SELENON: variants seen among roughly 807,000 people sequenced by gnomAD.
SELENON encodes selenoprotein N.
SELENON carries 44 observed loss-of-function variants against 59.5 expected under a neutral mutation model. That is an observed-to-expected ratio of 0.74 (90% CI 0.58 to 0.95). The LOEUF is 0.95. Ranked by LOEUF, SELENON falls within the 40% of genes least tolerant of loss-of-function variation. The pLI, the probability that SELENON is intolerant of heterozygous loss-of-function variation, is 0.00. For missense variants in SELENON, 674 were observed against 721.4 expected (o/e 0.93, Z 0.75); for synonymous variants, 320 against 305.6 (o/e 1.05, Z -0.49).
At chr1:25,811,603 G>A in intron 8 of SELENON, 68 bp downstream of exon 7, 1 of 1,604,212 alleles carries the variant, frequency 6.2e-7, no homozygotes, top group Non-Finnish European at 8.5e-7. Context: ...TCTGCAATGA[G>A]TGGAGCATTT....
Position 25,800,281 on chromosome 1 carries a change from C to A in SELENON, c.51C>A (p.Ala17=). The change falls in exon 1 of 13, where the codon GCC becomes GCA. Residue 17 remains alanine (A), a synonymous_variant. Transcript: ENST00000361547. ...GCGGGCCGCCCAGCCCCGGCCCCGC[C>A]GCGCAGCCTCCCGCGCCACCGCGCC... 1.0e-6 allele frequency: 1 copy of A among 983,264 alleles called. No individual in the cohort carries two copies. The highest frequency in any genetic ancestry group is 1.2e-6 in the Non-Finnish European group (1 of 827,984). 60.9% of individuals were successfully genotyped at this position (983,264 alleles called of 1,614,324 possible).
At chr1:25,801,626 C>T (rs1290851280) in intron 2 of SELENON, among the ~76,000 whole-genome samples, 1 of 152,152 alleles carries the variant, frequency 6.6e-6, no homozygotes, top group African/African-American at 2.4e-5. Flanking sequence ...CACCACTGCA[C>T]TCCAGCCTGG....
intron 9 of SELENON, among the ~76,000 whole-genome samples, 195 bp from the exon 9 acceptor site, chr1:25,812,480 CATATACAAACAT>C (rs2047970937): frequency 6.6e-6 from 1 of 151,336 alleles, no homozygotes; most frequent in African/African-American, 2.4e-5. Context: ...CACATACACA[CATATACAAACAT>C]ACACAAACAT....
chr1:25,813,190 G>A (rs1305994689), intron 10 of SELENON, among the ~76,000 whole-genome samples: 2 of 152,200 alleles, frequency 1.3e-5, no homozygotes, highest in African/African-American at 4.8e-5. Flanking sequence ...GCCAGAGGCT[G>A]GGCTTGTGTT....
rs911788176 is a variant in SELENON, at chr1:25,800,209, G to GCAGCCGCCGC, written c.-14_-5dup. The GCAGCCGCCGC allele has an allele frequency of 2.0e-5, 11 of 557,940 alleles. No individual in the cohort carries two copies. The highest frequency in any genetic ancestry group is 7.4e-5 in the South Asian group (1 of 13,446). The allele number at this position is 557,940 out of a possible 1,614,324, so 34.6% of individuals were successfully genotyped here. ...CGCTCTTTCGCTTCCCGGGCCGCCG[G>GCAGCCGCCGC]CAGCCGCCGCCAGCCGCAGCCATGG... is the stretch of plus-strand genomic sequence containing the variant. On this transcript the variant is annotated 5_prime_UTR_variant, in exon 1 of 13. Coordinates refer to ENST00000361547, the MANE Select transcript of SELENON (RefSeq NM_020451.3).
At chr1:25,813,280 AAACAG>A (rs1483589996) in intron 10 of SELENON, among the ~76,000 whole-genome samples, 1 of 152,166 alleles carries the variant, frequency 6.6e-6, no homozygotes, top group African/African-American at 2.4e-5. Context: ...AAGATGAACA[AAACAG>A]TGCCCCACCC....
intron 10 of SELENON, among the ~76,000 whole-genome samples, chr1:25,813,388 C>G (rs6676413): frequency 0.71 from 107,920 of 152,146 alleles, 40,046 homozygotes; most frequent in East Asian, 0.97. Flanking sequence ...AAGGGGGAGA[C>G]ACAGTGCAAA....
intron 2 of SELENON, chr1:25,801,956 G>A (rs951826932): frequency 6.7e-5 from 15 of 225,066 alleles, no homozygotes; most frequent in Admixed American, 6.2e-4. Flanking sequence ...GCACAGTGAC[G>A]AATATGCAGT....
At position 25,800,968 on chromosome 1, in the gene SELENON, G is replaced by A. The variant is rs1336640383; in HGVS notation, c.184-75G>A. On this transcript the variant is annotated intron_variant, in intron 1 of 12. Coordinates refer to ENST00000361547, the MANE Select transcript of SELENON (RefSeq NM_020451.3). ...GATGGTGGGAGAAGGGGCTCCATGC[G>A]GAAGCAACTGCCTGTTGGGGACCAG... The A allele has an allele frequency of 3.4e-6, 4 of 1,170,098 alleles. No homozygotes were observed. The African/African-American group carries it at 4.5e-5, about 13-fold the overall frequency. The allele number at this position is 1,170,098 out of a possible 1,614,324, so 72.5% of individuals were successfully genotyped here.
At position 25,816,844 on chromosome 1, in the gene SELENON, C is replaced by G. The variant is rs1259012347; in HGVS notation, c.*1126C>G. 1 of 152,672 alleles carries G rather than the reference C, an allele frequency of 6.5e-6. No homozygotes were observed. The highest frequency in any genetic ancestry group is 1.9e-4 in the East Asian group (1 of 5,198). The allele number at this position is 152,672 out of a possible 1,614,324, so 9.5% of individuals were successfully genotyped here. A position where few individuals can be genotyped will look rare whatever the true frequency, so the allele number is the denominator to read the frequency against. ...GCCCCATGATGGCTGAATCCGAAATCCTCGATGGGTCCAGCTTGATGTCTT... is the reference window on the plus strand; with the variant it reads ...GCCCCATGATGGCTGAATCCGAAATGCTCGATGGGTCCAGCTTGATGTCTT... On this transcript the variant is annotated 3_prime_UTR_variant, in exon 13 of 13. Transcript: ENST00000361547.
intron 10 of SELENON, 41 bp downstream of exon 9, chr1:25,812,833 T>A (rs542008419): frequency 2.0e-6 from 3 of 1,476,652 alleles, no homozygotes; most frequent in Non-Finnish European, 2.8e-6. Context: ...AGTGGGAAAG[T>A]CCACACCTTG....
At position 25,811,848 on chromosome 1, in the gene SELENON, G is replaced by A. The variant is rs775811599; in HGVS notation, c.1250G>A (p.Arg417His). 1.2e-5 allele frequency: 19 copies of A among 1,575,242 alleles called. No homozygotes were observed. Among genetic ancestry groups the A allele is most frequent in the South Asian group, 3.5e-5 (3 of 86,136 alleles). Residue 417 changes from arginine (R) to histidine (H), a missense_variant, in exon 9 of 13, where the codon CGC (arginine) becomes CAC (histidine). Transcript: ENST00000361547. Reference sequence around the variant, plus strand: ...CTGAGCTGGGAGGAGGCTGCCCGGCGCCTGGAGGTGGCCATGTACCCCTTC... The same window carrying A: ...CTGAGCTGGGAGGAGGCTGCCCGGCACCTGGAGGTGGCCATGTACCCCTTC...
At chr1:25,803,352 A>G (rs527941000) in intron 3 of SELENON, among the ~76,000 whole-genome samples, 1 of 152,332 alleles carries the variant, frequency 6.6e-6, no homozygotes, top group Admixed American at 6.5e-5. Context: ...GAATGCAAAA[A>G]TGGACCAAGT....
At chr1:25,815,515 C>T (rs753023952) in intron 12 of SELENON, 33 bp from the exon 12 acceptor site, 40 of 1,608,872 alleles carry the variant, frequency 2.5e-5, no homozygotes, top group South Asian at 7.7e-5. Context: ...GGCCCCCCTC[C>T]GCCCCACTTG....
intron 3 of SELENON, among the ~76,000 whole-genome samples, chr1:25,802,919 G>C (rs1172025617): frequency 6.6e-6 from 1 of 152,172 alleles, no homozygotes; most frequent in Non-Finnish European, 1.5e-5. Context: ...AGACATGCTG[G>C]CTGTTTCGGG....
intron 4 of SELENON, among the ~76,000 whole-genome samples, chr1:25,808,129 G>A (rs1370062551): frequency 6.6e-6 from 1 of 152,272 alleles, no homozygotes; most frequent in Non-Finnish European, 1.5e-5. Context: ...AGGAGACTGG[G>A]GAGGGAGAGT....
chr1:25,814,240 C>A, intron 12 of SELENON, 62 bp downstream of exon 11: 1 of 1,267,220 alleles, frequency 7.9e-7, no homozygotes, highest in Non-Finnish European at 1.1e-6. Flanking sequence ...GAGCAACCAG[C>A]AGGAGGCGTG....
At chr1:25,811,939 T>TGGA in intron 9 of SELENON, 60 bp downstream of exon 8, 1 of 1,513,054 alleles carries the variant, frequency 6.6e-7, no homozygotes, top group Non-Finnish European at 9.0e-7. Flanking sequence ...CTGGGAGCTG[T>TGGA]GGAGCAGCAG....
intron 4 of SELENON, among the ~76,000 whole-genome samples, chr1:25,806,914 CG>C (rs1299560963): frequency 6.6e-6 from 1 of 151,488 alleles, no homozygotes; most frequent in Non-Finnish European, 1.5e-5. Flanking sequence ...CTCCGCCTCC[CG>C]GGTTCAAGCT....
Sources: allele counts gnomAD v4.1 joint callset (sites outside exome capture counted in the v4.1 genomes callset), GRCh38; gene constraint gnomAD v4.1.1; transcripts MANE v1.5; gene names NCBI Gene and HGNC (gene_info 2026-07-23, HGNC 2026-07-21).